The following ACOXL variants were observed in gnomAD, a reference collection of about 807,000 sequenced individuals.
ACOXL encodes the protein acyl-coenzyme A oxidase-like protein.
In ACOXL, 70 loss-of-function variants were observed where a neutral mutation model predicts 71.9. The ratio of observed to expected loss-of-function variants is 0.97; its 90% CI spans 0.80 to 1.19. The LOEUF is 1.19. ACOXL is among the 50% of genes most tolerant of loss of function. ACOXL has a pLI of 0.00. For synonymous variants in ACOXL, 253 were observed against 281.6 expected, an observed-to-expected ratio of 0.90 and a Z score of 1.02; for missense variants, 703 against 736.3, an observed-to-expected ratio of 0.95 and a Z score of 0.52.
intron 1 of ACOXL, among the ~76,000 whole-genome samples, chr2:110,750,509 T>G (rs1050540255): frequency 7.9e-5 from 12 of 151,410 alleles, no homozygotes; most frequent in Non-Finnish European, 2.9e-5. Flanking sequence ...AAGTTCTTAC[T>G]TAAGAAAACA....
chr2:110,735,590 C>T (rs557992477), intron 1 of ACOXL, among the ~76,000 whole-genome samples: 2 of 152,198 alleles, frequency 1.3e-5, no homozygotes, highest in Non-Finnish European at 2.9e-5. Flanking sequence ...CCATCGGCTC[C>T]CAGGGGCAAT....
chr2:110,777,829 C>T (rs543685841), intron 2 of ACOXL, among the ~76,000 whole-genome samples: 2 of 152,254 alleles, frequency 1.3e-5, no homozygotes, highest in Admixed American at 1.3e-4. Flanking sequence ...CATGATAGCA[C>T]CTGGGGAGAG....
chr2:111,087,985 A>G (rs2068305211), intron 16 of ACOXL, among the ~76,000 whole-genome samples: 1 of 152,248 alleles, frequency 6.6e-6, no homozygotes, highest in African/African-American at 2.4e-5. Context: ...TAGGCAAAGA[A>G]CATGAACAGA....
At chr2:110,767,041 C>A (rs1191154876) in intron 1 of ACOXL, among the ~76,000 whole-genome samples, 2 of 152,208 alleles carry the variant, frequency 1.3e-5, no homozygotes, top group African/African-American at 4.8e-5. Flanking sequence ...CCCACTGAGA[C>A]TGCAGGAGAG....
At chr2:110,947,786 T>C (rs2061162983) in intron 12 of ACOXL, among the ~76,000 whole-genome samples, 1 of 152,108 alleles carries the variant, frequency 6.6e-6, no homozygotes, top group South Asian at 2.1e-4. Flanking sequence ...CCACTGCCCC[T>C]CCACTTGGGA....
intron 12 of ACOXL, among the ~76,000 whole-genome samples, chr2:110,982,366 G>A (rs111497069): frequency 1.3e-5 from 2 of 151,426 alleles, no homozygotes; most frequent in African/African-American, 2.4e-5. Context: ...TTCTCTCCCC[G>A]CTCCTTCTCC....
At chr2:111,098,256 G>C (rs1336477786) in intron 17 of ACOXL, 2 of 152,186 alleles carry the variant, frequency 1.3e-5, no homozygotes, top group Admixed American at 1.3e-4. Flanking sequence ...ATTGGAAGAA[G>C]AGTTGTCTTG....
At chr2:111,073,467 C>A (rs2067438751) in intron 16 of ACOXL, among the ~76,000 whole-genome samples, 1 of 152,096 alleles carries the variant, frequency 6.6e-6, no homozygotes, top group Non-Finnish European at 1.5e-5. Context: ...ATATGCTTAT[C>A]TTTTGACTAT....
At chr2:111,038,977 C>T (rs1309437646) in intron 15 of ACOXL, among the ~76,000 whole-genome samples, 1 of 152,174 alleles carries the variant, frequency 6.6e-6, no homozygotes, top group Non-Finnish European at 1.5e-5. Context: ...TATAAATAAT[C>T]TGTATGTTTC....
rs146215068 is a variant in ACOXL at position 111,079,027 on chromosome 2, A to G, written c.1441-13838A>G. On this transcript the variant is annotated intron_variant, in intron 16 of 17. Coordinates refer to ENST00000439055, the MANE Select transcript of ACOXL (RefSeq NM_001142807.4). ...CTGGCATCTGAATTCTCATCTGTTT[A>G]CTAGTTCAGTTATCAAGGCCTTTTT... 7.9e-3 allele frequency among the ~76,000 whole-genome samples: 1,203 copies of G among 152,286 alleles called. 10 individuals are homozygous for G. Among genetic ancestry groups the G allele is most frequent in the African/African-American group, 0.027 (1,112 of 41,558 alleles).
At chr2:111,038,683 G>T (rs770712919) in intron 15 of ACOXL, among the ~76,000 whole-genome samples, 21 of 152,146 alleles carry the variant, frequency 1.4e-4, no homozygotes, top group Non-Finnish European at 3.1e-4. Context: ...AAAAATAAAA[G>T]TATAGGAACT....
intron 9 of ACOXL, among the ~76,000 whole-genome samples, chr2:110,832,382 CA>C (rs372661664): frequency 1.5e-4 from 23 of 151,596 alleles, no homozygotes; most frequent in Middle Eastern, 6.8e-3. Context: ...ACTAAAAATA[CA>C]AAAAATTAGC....
At chr2:110,811,785 A>ACG (rs1553548173) in intron 9 of ACOXL, among the ~76,000 whole-genome samples, 17 of 149,086 alleles carry the variant, frequency 1.1e-4, no homozygotes, top group Middle Eastern at 3.4e-3. Flanking sequence ...ACACACACAC[A>ACG]CGCGGGGAGG....
At chr2:111,068,679 T>G (rs2067190670) in intron 16 of ACOXL, among the ~76,000 whole-genome samples, 1 of 152,104 alleles carries the variant, frequency 6.6e-6, no homozygotes, top group Non-Finnish European at 1.5e-5. Flanking sequence ...CTCTAGGGAG[T>G]CTTGCCCAAC....
intron 1 of ACOXL, among the ~76,000 whole-genome samples, chr2:110,739,719 A>T (rs1677280513): frequency 6.6e-6 from 1 of 152,218 alleles, no homozygotes; most frequent in Non-Finnish European, 1.5e-5. Context: ...TCAGAGGTGC[A>T]TGGAGCCTCC....
At chr2:111,101,235 G>A (rs1226246390) in intron 17 of ACOXL, 1 of 152,448 alleles carries the variant, frequency 6.6e-6, no homozygotes, top group Non-Finnish European at 1.5e-5. Flanking sequence ...ACAAAGGCTT[G>A]TGATTAAAGA....
At chr2:110,926,741 A>G (rs547881755) in intron 11 of ACOXL, among the ~76,000 whole-genome samples, 2 of 152,072 alleles carry the variant, frequency 1.3e-5, no homozygotes, top group South Asian at 4.2e-4. Context: ...CATTGTGATG[A>G]TTTTTCCTCC....
chr2:110,952,193 G>C (rs2061354777), intron 12 of ACOXL, among the ~76,000 whole-genome samples: 1 of 152,060 alleles, frequency 6.6e-6, no homozygotes, highest in Non-Finnish European at 1.5e-5. Context: ...CTGTTCTTGA[G>C]TCTGTTTTGC....
chr2:110,751,977 A>G (rs1355117490), intron 1 of ACOXL, among the ~76,000 whole-genome samples: 2 of 152,182 alleles, frequency 1.3e-5, no homozygotes, highest in South Asian at 2.1e-4. Flanking sequence ...ACACAAAAGA[A>G]TACATAGTAG....
Sources: gnomAD v4.1 joint callset for allele counts (sites outside exome capture counted in the v4.1 genomes callset) on GRCh38, gnomAD v4.1.1 for gene constraint, MANE v1.5 for transcripts, NCBI Gene and HGNC (gene_info 2026-07-23, HGNC 2026-07-21) for gene names.